Variants in ITGA11 observed in about 807,000 individuals in gnomAD.
ITGA11 encodes integrin subunit alpha 11, also known as integrin alpha-11.
Under a neutral mutation model 141.9 loss-of-function variants are expected in ITGA11, and 97 were observed. The ratio of observed to expected loss-of-function variants is 0.68; its 90% CI spans 0.58 to 0.81. The LOEUF is 0.81. ITGA11 is among the 30% of genes least tolerant of loss of function. ITGA11 has a pLI of 0.00. For synonymous variants in ITGA11, 658 were observed against 624.6 expected (o/e 1.05, Z -0.80); for missense variants, 1,387 against 1,559.2 (o/e 0.89, Z 1.86).
intron 2 of ITGA11, among the ~76,000 whole-genome samples, chr15:68,374,688 T>C (rs1190464423): frequency 1.3e-5 from 2 of 152,098 alleles, no homozygotes; most frequent in Non-Finnish European, 2.9e-5. Flanking sequence ...CACTGGATGC[T>C]AGGGGAAGGA....
intron 7 of ITGA11, among the ~76,000 whole-genome samples, chr15:68,356,060 A>G (rs568207693): frequency 6.6e-6 from 1 of 152,192 alleles, no homozygotes; most frequent in East Asian, 1.9e-4. Context: ...TCTAGGGATA[A>G]CATTTATCTG....
At chr15:68,332,707 C>G (rs1027734954) in intron 12 of ITGA11, among the ~76,000 whole-genome samples, 3 of 152,310 alleles carry the variant, frequency 2.0e-5, no homozygotes, top group Non-Finnish European at 1.5e-5. Context: ...CTGTCATTAT[C>G]CCCTCGCCAC....
chr15:68,339,338 G>T (rs866418312), intron 11 of ITGA11, among the ~76,000 whole-genome samples, 162 bp downstream of exon 11: 1 of 152,184 alleles, frequency 6.6e-6, no homozygotes, highest in Non-Finnish European at 1.5e-5. Context: ...TACCAGGGTG[G>T]AGAGGAAATG....
intron 4 of ITGA11, 55 bp downstream of exon 4, chr15:68,364,649 CCCT>C: frequency 1.0e-6 from 1 of 981,990 alleles, no homozygotes; most frequent in Non-Finnish European, 1.6e-6. Context: ...GACGCTCCAC[CCCT>C]CCCCACCCCC....
chr15:68,377,051 C>G (rs916315123), intron 2 of ITGA11, among the ~76,000 whole-genome samples: 1 of 152,186 alleles, frequency 6.6e-6, no homozygotes, highest in African/African-American at 2.4e-5. Context: ...GGGATCATGA[C>G]CACAGCCATC....
chr15:68,351,186 T>C, intron 8 of ITGA11, 72 bp downstream of exon 8: 2 of 1,506,484 alleles, frequency 1.3e-6, no homozygotes, highest in South Asian at 1.2e-5. Flanking sequence ...ACTAGTCCCT[T>C]GGAGTCCCCA....
chr15:68,321,718 C>T lies in ITGA11; in HGVS notation c.2323-215G>A, dbSNP rs1389560184. ...AGCTCCTCCTGGCTCCCCTCCAGTTCATAACTGAGCTGATGGCACAGAACC... is the reference window on the plus strand; with the variant it reads ...AGCTCCTCCTGGCTCCCCTCCAGTTTATAACTGAGCTGATGGCACAGAACC... On this transcript the variant is annotated intron_variant, in intron 18 of 29. Coordinates refer to ENST00000315757, the MANE Select transcript of ITGA11 (RefSeq NM_001004439.2). This position sits in a 1 kb window ranked among gnomAD's most constrained non-coding sequence, Gnocchi z 4.9. 6.6e-6 allele frequency among the ~76,000 whole-genome samples: 1 copy of T among 152,180 alleles called. No individual in the cohort carries two copies. Among genetic ancestry groups the T allele is most frequent in the African/African-American group, 2.4e-5 (1 of 41,434 alleles).
At chr15:68,354,226 C>T (rs547375085) in intron 7 of ITGA11, among the ~76,000 whole-genome samples, 79 of 152,242 alleles carry the variant, frequency 5.2e-4, no homozygotes, top group African/African-American at 1.2e-3. Flanking sequence ...CACGATGGCA[C>T]GGTATTTGTA....
At position 68,358,043 on chromosome 15, in the gene ITGA11, C is replaced by T. The variant is rs114037817; in HGVS notation, c.600+415G>A. 5.0e-3 allele frequency among the ~76,000 whole-genome samples: 761 copies of T among 152,318 alleles called. 7 individuals are homozygous for T. The highest frequency in any genetic ancestry group is 0.018 in the African/African-American group (734 of 41,564). On this transcript the variant is annotated intron_variant, in intron 6 of 29. Coordinates refer to ENST00000315757, the MANE Select transcript of ITGA11 (RefSeq NM_001004439.2). Reference sequence around the variant, plus strand: ...GAATAAAAGGGAATGAATCTACCTCCGCGTTAGCCAGGCAGCGTTTCAGAT... The same window carrying T: ...GAATAAAAGGGAATGAATCTACCTCTGCGTTAGCCAGGCAGCGTTTCAGAT...
chr15:68,348,731 T>C (rs2140328090), intron 10 of ITGA11, 99 bp downstream of exon 10: 1 of 1,025,824 alleles, frequency 9.7e-7, no homozygotes, highest in South Asian at 1.4e-5. Flanking sequence ...AGCCAACCCA[T>C]CTGTGAAGGT....
chr15:68,341,107 A>T (rs187392680), intron 10 of ITGA11, among the ~76,000 whole-genome samples: 1 of 152,358 alleles, frequency 6.6e-6, no homozygotes, highest in East Asian at 1.9e-4. Flanking sequence ...CTAACCCTCC[A>T]GAGGTAGAAC....
intron 19 of ITGA11, 101 bp from the exon 20 acceptor site, chr15:68,320,493 G>C: frequency 1.1e-6 from 1 of 878,570 alleles, no homozygotes; most frequent in Non-Finnish European, 1.8e-6. Context: ...CTGGGCACTT[G>C]ACTGGCCTCT....
Position 68,305,290 on chromosome 15 carries a change from G to C in ITGA11, c.3382-1405C>G, listed in dbSNP as rs1042156586. 6.6e-6 allele frequency among the ~76,000 whole-genome samples: 1 copy of C among 152,214 alleles called. No homozygotes were observed. Among genetic ancestry groups the C allele is most frequent in the Non-Finnish European group, 1.5e-5 (1 of 68,034 alleles). ...CTCTGTCTGATGTCACTTTATTGGA[G>C]AGGCTTTTCCCAACTCCCCTGTATA... On this transcript the variant is annotated intron_variant, in intron 28 of 29. Transcript: ENST00000315757. This position sits in a 1 kb window ranked among gnomAD's most constrained non-coding sequence, Gnocchi z 4.6.
chr15:68,320,418 TG>T (rs1348159636), intron 19 of ITGA11, 26 bp from the exon 20 acceptor site: 1 of 1,549,266 alleles, frequency 6.5e-7, no homozygotes, highest in East Asian at 2.4e-5. Context: ...CACCAGAGAC[TG>T]GGCAGATGGA....
At chr15:68,399,377 T>A (rs1896408299) in intron 2 of ITGA11, among the ~76,000 whole-genome samples, 3 of 152,224 alleles carry the variant, frequency 2.0e-5, no homozygotes, top group Non-Finnish European at 2.9e-5. Context: ...TTGGTGGGAA[T>A]GGTAATTAGT....
chr15:68,377,359 C>A (rs1285047809), intron 2 of ITGA11, among the ~76,000 whole-genome samples: 1 of 152,154 alleles, frequency 6.6e-6, no homozygotes, highest in Non-Finnish European at 1.5e-5. Flanking sequence ...GCAACCTCCA[C>A]CCCGCTGGGT....
At chr15:68,374,194 G>A (rs1184717656) in intron 2 of ITGA11, among the ~76,000 whole-genome samples, 3 of 152,142 alleles carry the variant, frequency 2.0e-5, no homozygotes, top group Non-Finnish European at 4.4e-5. Flanking sequence ...AGTGGTGGGT[G>A]GAATCACCAG....
In ITGA11 at chr15:68,325,211, A is replaced by T; in HGVS notation, c.2242T>A (p.Phe748Ile). The T allele has an allele frequency of 6.2e-7, 1 of 1,613,918 alleles. No homozygotes were observed. Among genetic ancestry groups the T allele is most frequent in the Non-Finnish European group, 8.5e-7 (1 of 1,179,842 alleles). The change falls in exon 18 of 30, where the codon TTC becomes ATC. Residue 748 changes from phenylalanine to isoleucine, a missense_variant. Physicochemically the swap from Phe to Ile is conservative, Grantham distance 21 (BLOSUM62 0). Coordinates refer to ENST00000315757, the MANE Select transcript of ITGA11 (RefSeq NM_001004439.2). This position sits in a 1 kb window ranked among gnomAD's most constrained non-coding sequence, Gnocchi z 5.5. ...DTADYVKPVT[F>I]SVEYSLEDPD... ...TCCTCCAGGGAATACTCGACTGAGA[A>T]GGTCACTGGCTTCACGTAGTCAGCA...
At chr15:68,399,097 A>G (rs1051532856) in intron 2 of ITGA11, among the ~76,000 whole-genome samples, 1 of 152,062 alleles carries the variant, frequency 6.6e-6, no homozygotes, top group African/African-American at 2.4e-5. Flanking sequence ...ATGGAAACAT[A>G]AAGGATCTAT....
Sources: allele counts gnomAD v4.1 joint callset (sites outside exome capture counted in the v4.1 genomes callset), GRCh38; gene constraint gnomAD v4.1.1; non-coding constraint Gnocchi (gnomAD v3.1); transcripts MANE v1.5; gene names NCBI Gene and HGNC (gene_info 2026-07-23, HGNC 2026-07-21).